PLXNA1: variants seen among roughly 807,000 people sequenced by gnomAD.
PLXNA1 encodes plexin A1.
PLXNA1 carries 77 observed loss-of-function variants against 191.7 expected under a neutral mutation model. The observed-to-expected ratio is 0.40, with a 90% CI of 0.33 to 0.49. The LOEUF (loss-of-function observed/expected upper bound fraction) is 0.49, where lower values mean the gene tolerates loss of function less well. Ranked by LOEUF, PLXNA1 falls within the 20% of genes least tolerant of loss-of-function variation. PLXNA1 has a pLI of 0.63. For missense variants in PLXNA1, 2,110 were observed against 2,660.2 expected, an observed-to-expected ratio of 0.79 and a Z score of 4.55; for synonymous variants, 1,137 against 1,156.4, an observed-to-expected ratio of 0.98 and a Z score of 0.34.
At position 127,003,397 on chromosome 3, in the gene PLXNA1, A is replaced by T. The variant is rs146043134; in HGVS notation, c.1445A>T (p.Glu482Val). 9.3e-6 allele frequency: 15 copies of T among 1,612,096 alleles called. No homozygotes were observed. In the African/African-American group the frequency reaches 2.0e-4, roughly 21 times the overall value. The change falls in exon 4 of 32, where the codon GAG becomes GTG. Residue 482 changes from glutamate (E) to valine (V), a missense_variant. Transcript: ENST00000393409. ...GCCTACGAGAGCGTCGTGGCCCAGG[A>T]GGGCAGCCCCATCCTGCGAGACCTC... ...ALAYESVVAQEGSPILRDLVL... is the reference protein window; with the variant it reads ...ALAYESVVAQVGSPILRDLVL...
chr3:126,993,930 G>C (rs1327430755), intron 3 of PLXNA1, among the ~76,000 whole-genome samples: 4 of 152,228 alleles, frequency 2.6e-5, no homozygotes, highest in Non-Finnish European at 5.9e-5. Flanking sequence ...TGCAAATGCT[G>C]CATGTCATTG....
chr3:127,029,659 C>T, intron 27 of PLXNA1, 123 bp downstream of exon 27: 1 of 1,154,896 alleles, frequency 8.7e-7, no homozygotes, highest in South Asian at 1.3e-5. Context: ...TCAAGCCTGT[C>T]ACTCGCACTC....
Position 127,028,356 on chromosome 3 carries a change from C to T in PLXNA1, c.4669+16C>T, listed in dbSNP as rs1468131526. On this transcript the variant is annotated intron_variant, in intron 25 of 31. Transcript: ENST00000393409. ...ATGGACCTGGGTGAGCGGGCGGGGC[C>T]ACGGCTGCCCGGGGTGTGTGCTGGA... 6.2e-7 allele frequency: 1 copy of T among 1,603,552 alleles called. No homozygotes were observed. Among genetic ancestry groups the T allele is most frequent in the Admixed American group, 1.7e-5 (1 of 59,100 alleles).
chr3:127,030,081 G>A lies in PLXNA1; in HGVS notation c.5061+17G>A. The A allele has an allele frequency of 6.2e-7, 1 of 1,608,868 alleles. No individual in the cohort carries two copies. Among genetic ancestry groups the A allele is most frequent in the Non-Finnish European group, 8.5e-7 (1 of 1,176,102 alleles). On this transcript the variant is annotated intron_variant, in intron 28 of 31. Coordinates refer to ENST00000393409, the MANE Select transcript of PLXNA1 (RefSeq NM_032242.4). ...GCCACCAAGGTGGGCCTGGCTGGCA[G>A]ATGGGGGCAGGGGACGCTGGGCCAA...
At chr3:127,017,228 G>T (rs2107633247) in intron 17 of PLXNA1, among the ~76,000 whole-genome samples, 191 bp downstream of exon 17, 1 of 152,322 alleles carries the variant, frequency 6.6e-6, no homozygotes, top group Middle Eastern at 3.4e-3. Context: ...CTGGCTCTGG[G>T]TTGCTGGCTG....
At chr3:126,993,915 C>T (rs732737) in intron 3 of PLXNA1, among the ~76,000 whole-genome samples, 18,701 of 152,246 alleles carry the variant, frequency 0.12, 1,542 homozygotes, top group African/African-American at 0.22. Context: ...TGAACCTCAA[C>T]GTCATGCAAA....
Position 127,032,086 on chromosome 3 carries a change from CTG to C in PLXNA1, c.5232-296_5232-295del, listed in dbSNP as rs1231827577. 1.4e-4 allele frequency: 57 copies of C among 393,286 alleles called. No homozygotes were observed. In the East Asian group the frequency reaches 3.2e-3, roughly 22 times the overall value. The allele number at this position is 393,286 out of a possible 1,614,324, so 24.4% of individuals were successfully genotyped here. A position where few individuals can be genotyped will look rare whatever the true frequency, so the allele number is the denominator to read the frequency against. ...GCATGCAGGCCTAGGAGGGTGGTGG[CTG>C]TGTGGAGTGGGCCCCTGAGGGCCTG... On this transcript the variant is annotated intron_variant, in intron 29 of 31. Transcript: ENST00000393409.
chr3:127,010,279 T>C (rs1198516076), intron 9 of PLXNA1, among the ~76,000 whole-genome samples: 1 of 152,138 alleles, frequency 6.6e-6, no homozygotes, highest in African/African-American at 2.4e-5. Flanking sequence ...ATCAGAGCCT[T>C]TGGGGACAAC....
At chr3:127,024,653 G>A (rs1032523910) in intron 23 of PLXNA1, among the ~76,000 whole-genome samples, 5 of 152,180 alleles carry the variant, frequency 3.3e-5, no homozygotes, top group Admixed American at 1.3e-4. Flanking sequence ...CAGGGGCCAG[G>A]AGCTGTTAGA....
chr3:127,018,643 G>A (rs1042632102), intron 20 of PLXNA1, 115 bp downstream of exon 20: 2 of 811,494 alleles, frequency 2.5e-6, no homozygotes, highest in African/African-American at 3.4e-5. Flanking sequence ...AGTTTACAAT[G>A]TTCCTGATAG....
intron 31 of PLXNA1, 28 bp from the exon 32 acceptor site, chr3:127,033,894 C>T (rs1320703851): frequency 2.5e-5 from 39 of 1,560,754 alleles, no homozygotes; most frequent in Non-Finnish European, 3.3e-5. Context: ...GGTGGCCCGG[C>T]ATGCTGACAG....
At chr3:127,031,238 A>G (rs1334878698) in intron 29 of PLXNA1, among the ~76,000 whole-genome samples, 1 of 152,124 alleles carries the variant, frequency 6.6e-6, no homozygotes, top group Non-Finnish European at 1.5e-5. Flanking sequence ...CGGTTGGCAC[A>G]CTGTAGCCAC....
intron 1 of PLXNA1, among the ~76,000 whole-genome samples, chr3:126,986,255 C>A (rs1394411074): frequency 6.6e-6 from 1 of 152,234 alleles, no homozygotes; most frequent in East Asian, 1.9e-4. Flanking sequence ...TGTGAGGAGC[C>A]TGTTTTCTGG....
chr3:127,034,558 C>G lies in PLXNA1; in HGVS notation c.*541C>G, dbSNP rs528859214. On this transcript the variant is annotated 3_prime_UTR_variant, in exon 32 of 32. Transcript: ENST00000393409. ...AGAGGAGCTCAAGTCGGTCTGGGCCCGTTGCCACCGACTCCCACCTCCAGC... is the reference window on the plus strand; with the variant it reads ...AGAGGAGCTCAAGTCGGTCTGGGCCGGTTGCCACCGACTCCCACCTCCAGC... The G allele has an allele frequency of 6.5e-6, 1 of 152,842 alleles. No individual in the cohort carries two copies. The highest frequency in any genetic ancestry group is 2.4e-5 in the African/African-American group (1 of 41,468). The allele number at this position is 152,842 out of a possible 1,614,324, so 9.5% of individuals were successfully genotyped here. A position where few individuals can be genotyped will look rare whatever the true frequency, so the allele number is the denominator to read the frequency against.
intron 23 of PLXNA1, 162 bp from the exon 24 acceptor site, chr3:127,027,778 C>T (rs1353484478): frequency 2.2e-6 from 2 of 903,930 alleles, no homozygotes; most frequent in Admixed American, 4.0e-5. Context: ...GCAGTCTCTG[C>T]TGGGCTTTGG....
At chr3:127,027,768 G>T in intron 23 of PLXNA1, 172 bp from the exon 24 acceptor site, 2 of 826,480 alleles carry the variant, frequency 2.4e-6, no homozygotes, top group Non-Finnish European at 4.0e-6. Flanking sequence ...TGATTTTCTT[G>T]CAGTCTCTGC....
rs547238988 is a variant in PLXNA1 at position 127,020,362 on chromosome 3, G to A, written c.4038+18G>A. 67 of 1,609,178 alleles carry A rather than the reference G, an allele frequency of 4.2e-5. No homozygotes were observed. Among genetic ancestry groups the A allele is most frequent in the Middle Eastern group, 1.7e-4 (1 of 6,054 alleles). The stretch of plus-strand genomic sequence containing the variant: ...AGATGGAGGTAGGACCACTGGCTCC[G>A]GGGGGTCACAGGAACTCAGAGGCAG... On this transcript the variant is annotated intron_variant, in intron 21 of 31. Coordinates refer to ENST00000393409, the MANE Select transcript of PLXNA1 (RefSeq NM_032242.4).
At chr3:127,027,367 T>G (rs1315063139) in intron 23 of PLXNA1, 4 of 337,352 alleles carry the variant, frequency 1.2e-5, no homozygotes, top group Non-Finnish European at 2.3e-5. Flanking sequence ...TGGGCAAGCC[T>G]CCTCAGGTGG....
At chr3:127,019,327 C>A (rs1170680029) in intron 20 of PLXNA1, among the ~76,000 whole-genome samples, 1 of 152,194 alleles carries the variant, frequency 6.6e-6, no homozygotes, top group East Asian at 1.9e-4. Context: ...CCCTCTCAGT[C>A]CCAGACAAAC....
Sources: allele counts gnomAD v4.1 joint callset (sites outside exome capture counted in the v4.1 genomes callset), GRCh38; gene constraint gnomAD v4.1.1; transcripts MANE v1.5; gene names NCBI Gene and HGNC (gene_info 2026-07-23, HGNC 2026-07-21).